Variants in NFASC observed in about 807,000 individuals in gnomAD.
The protein encoded by NFASC is neurofascin homolog.
NFASC carries 43 observed loss-of-function variants against 147.5 expected under a neutral mutation model. The ratio of observed to expected loss-of-function variants is 0.29; its 90% CI spans 0.23 to 0.38. The LOEUF (loss-of-function observed/expected upper bound fraction) is 0.38, where lower values mean the gene tolerates loss of function less well. Among genes scored for constraint, NFASC ranks in the 10% least tolerant of loss-of-function variants. The pLI is 1.00. For synonymous variants in NFASC, 622 were observed against 665.5 expected (o/e 0.93, Z 1.01); for missense variants, 1,320 against 1,689.0 (o/e 0.78, Z 3.83).
chr1:204,932,808 G>A (rs1382526278), intron 2 of NFASC, among the ~76,000 whole-genome samples: 1 of 152,218 alleles, frequency 6.6e-6, no homozygotes, highest in East Asian at 1.9e-4. Flanking sequence ...ACCGCAGTGT[G>A]CCACATGCCC....
At chr1:204,983,786 G>A (rs1436986481) in intron 21 of NFASC, among the ~76,000 whole-genome samples, 1 of 152,174 alleles carries the variant, frequency 6.6e-6, no homozygotes, top group Non-Finnish European at 1.5e-5. Flanking sequence ...CAGCACAGGA[G>A]GGGGCAAATG....
Position 205,015,120 on chromosome 1 carries a change from G to A in NFASC, c.3492-1188G>A, listed in dbSNP as rs537245189. Among the ~76,000 whole-genome samples the A allele has an allele frequency of 1.5e-4, 23 of 152,248 alleles. No individual in the cohort carries two copies. Among genetic ancestry groups the A allele is most frequent in the Non-Finnish European group, 2.9e-4 (20 of 68,020 alleles). On this transcript the variant is annotated intron_variant, in intron 29 of 29. Transcript: ENST00000339876. The surrounding 1 kb of genome is among the most constrained non-coding windows in gnomAD (Gnocchi z 4.0). ...CCTCACCTGACAGCTGTCTTTGCCC[G>A]ACACTGCTATTAGAAGTGAGAACGC...
intron 24 of NFASC, 139 bp from the exon 25 acceptor site, chr1:204,997,031 G>A: frequency 7.5e-7 from 1 of 1,340,640 alleles, no homozygotes; most frequent in Non-Finnish European, 1.0e-6. Flanking sequence ...GTCTGACCCA[G>A]TCCGTTATGC....
intron 20 of NFASC, among the ~76,000 whole-genome samples, chr1:204,981,194 T>A (rs1574089860): frequency 6.6e-6 from 1 of 152,272 alleles, no homozygotes; most frequent in Non-Finnish European, 1.5e-5. Context: ...CAACGGCAGC[T>A]GGGCTGAGCC....
intron 2 of NFASC, among the ~76,000 whole-genome samples, chr1:204,936,198 CTTTTTCTTTT>C (rs1468738309): frequency 5.6e-5 from 4 of 71,880 alleles, no homozygotes; most frequent in Non-Finnish European, 7.2e-5. Context: ...CTCTCTCTTT[CTTTTTCTTTT>C]TTTTTTTTTT....
intron 20 of NFASC, 65 bp from the exon 21 acceptor site, chr1:204,981,733 C>T (rs1383866126): frequency 1.9e-6 from 2 of 1,063,208 alleles, no homozygotes; most frequent in East Asian, 5.4e-5. Flanking sequence ...CAAGAGAGGG[C>T]AAGCTGTGGG....
chr1:204,938,914 T>C (rs2093113484), intron 2 of NFASC, among the ~76,000 whole-genome samples: 1 of 152,184 alleles, frequency 6.6e-6, no homozygotes, highest in Non-Finnish European at 1.5e-5. Flanking sequence ...CTTCCTCCTG[T>C]GTGGGAATGT....
At chr1:205,009,408 G>T in intron 27 of NFASC, 149 bp from the exon 28 acceptor site, 1 of 841,466 alleles carries the variant, frequency 1.2e-6, no homozygotes, top group East Asian at 2.4e-5. Context: ...CTTTAGCAGG[G>T]TAGTTTGGGC....
intron 27 of NFASC, among the ~76,000 whole-genome samples, chr1:205,004,312 G>A (rs2096062073): frequency 6.6e-6 from 1 of 152,228 alleles, no homozygotes; most frequent in African/African-American, 2.4e-5. Context: ...GTCCTAATCT[G>A]ATTTGGGATA....
rs1162020795 is a variant in NFASC at position 204,861,078 on chromosome 1, CTTTTTTTTTT to C, written c.-200+32314_-200+32323del. On this transcript the variant is annotated intron_variant, in intron 1 of 29. Transcript: ENST00000339876. Reference sequence around the variant, plus strand: ...AGTTTTAGTTTGAATACTTGCTTTCCTTTTTTTTTTTTTTTTTTTTTTTTTTTGGAGACAA... The same window carrying C: ...AGTTTTAGTTTGAATACTTGCTTTCCTTTTTTTTTTTTTTTTTGGAGACAA... Among the ~76,000 whole-genome samples, 321 of 68,950 alleles carry C rather than the reference CTTTTTTTTTT, an allele frequency of 4.7e-3. 2 individuals carry two copies. The highest frequency in any genetic ancestry group is 0.024 in the African/African-American group (296 of 12,362). 45.2% of individuals were successfully genotyped at this position (68,950 alleles called of 152,430 possible). A position where few individuals can be genotyped will look rare whatever the true frequency, so the allele number is the denominator to read the frequency against.
chr1:204,836,096 T>C (rs1468616814), intron 1 of NFASC, among the ~76,000 whole-genome samples: 1 of 152,218 alleles, frequency 6.6e-6, no homozygotes, highest in Admixed American at 6.5e-5. Flanking sequence ...TTCATCACTC[T>C]TTTCTTTATA....
At chr1:204,849,615 A>G (rs1265596379) in intron 1 of NFASC, among the ~76,000 whole-genome samples, 3 of 152,154 alleles carry the variant, frequency 2.0e-5, no homozygotes, top group African/African-American at 4.8e-5. Flanking sequence ...GGCCTGAGGG[A>G]AAGAACTCAG....
In NFASC at chr1:204,944,337, C is replaced by T. The variant is rs375852982; in HGVS notation, c.22C>T (p.Pro8Ser). Residue 8 changes from proline (P) to serine (S), a missense_variant, in exon 3 of 30, where the codon CCC becomes TCC. This residue lies in a region of NFASC where 981 missense variants were observed against 1,289.5 expected (regional missense o/e 0.76). Transcript: ENST00000339876. ...GAGGATGGCCAGGCAGCCACCGCCG[C>T]CCTGGGTCCATGCAGCCTTCCTCCT... MARQPPP[P>S]WVHAAFLLCL... The T allele has an allele frequency of 3.3e-4, 532 of 1,613,840 alleles. 3 individuals carry two copies. The South Asian group carries it at 3.6e-3, about 11-fold the overall frequency.
intron 1 of NFASC, among the ~76,000 whole-genome samples, chr1:204,883,321 G>A (rs1216739195): frequency 2.0e-5 from 3 of 152,194 alleles, no homozygotes; most frequent in African/African-American, 7.2e-5. Flanking sequence ...CCCAAAAGTC[G>A]AAATTTGAGT....
intron 2 of NFASC, among the ~76,000 whole-genome samples, chr1:204,921,915 T>C (rs1251201445): frequency 6.6e-6 from 1 of 152,164 alleles, no homozygotes; most frequent in Admixed American, 6.5e-5. Flanking sequence ...GTGTCAGGTT[T>C]CAGAGACCAC....
chr1:204,843,506 C>T (rs1164223118), intron 1 of NFASC, among the ~76,000 whole-genome samples: 1 of 151,952 alleles, frequency 6.6e-6, no homozygotes, highest in Non-Finnish European at 1.5e-5. Context: ...GTTTTTGCTC[C>T]AAATCATTTG....
At chr1:204,969,747 A>G (rs749142266) in intron 10 of NFASC, among the ~76,000 whole-genome samples, 1 of 152,132 alleles carries the variant, frequency 6.6e-6, no homozygotes, top group Non-Finnish European at 1.5e-5. Flanking sequence ...CCACATATTC[A>G]CAAAATTGTC....
intron 21 of NFASC, among the ~76,000 whole-genome samples, chr1:204,982,464 G>T (rs993820891): frequency 1.3e-5 from 2 of 152,202 alleles, no homozygotes; most frequent in Admixed American, 1.3e-4. Flanking sequence ...AGGGCAGCTG[G>T]CCAGAGGTTC....
intron 1 of NFASC, among the ~76,000 whole-genome samples, chr1:204,894,498 A>G (rs552338611): frequency 2.0e-5 from 3 of 152,370 alleles, no homozygotes; most frequent in African/African-American, 7.2e-5. Flanking sequence ...TGAGGCAAAT[A>G]TTAATTACAA....
Sources: gnomAD v4.1 joint callset for allele counts (sites outside exome capture counted in the v4.1 genomes callset) on GRCh38, gnomAD v4.1.1 for gene constraint, gnomAD v4.1.1 regional missense constraint, Gnocchi (gnomAD v3.1) non-coding constraint, MANE v1.5 for transcripts, NCBI Gene and HGNC (gene_info 2026-07-23, HGNC 2026-07-21) for gene names.